Variants in XXYLT1 observed in about 807,000 individuals in gnomAD.
XXYLT1 encodes xyloside xylosyltransferase 1.
A neutral mutation model predicts 28.9 loss-of-function variants in XXYLT1; 20 were observed. The observed-to-expected ratio is 0.69, with a 90% CI of 0.49 to 1.00. XXYLT1 has a LOEUF of 1.00. Ranked by LOEUF, XXYLT1 falls within the 50% of genes least tolerant of loss-of-function variation. XXYLT1 has a pLI of 0.00. For synonymous variants in XXYLT1, 257 were observed against 253.8 expected, an observed-to-expected ratio of 1.01 and a Z score of -0.12; for missense variants, 542 against 560.1, an observed-to-expected ratio of 0.97 and a Z score of 0.33.
rs1486499126 is a variant in XXYLT1, at chr3:195,097,830, GCACA to G, written c.786-27723_786-27720del. Among the ~76,000 whole-genome samples the G allele has an allele frequency of 7.5e-5, 11 of 145,948 alleles. No individual in the cohort carries two copies. In the East Asian group the frequency reaches 2.5e-3, roughly 33 times the overall value. ...ACAAATGCCCCCACCCCCCCACCAC[GCACA>G]CACAAAGAAGTCAGGCTGGGCAGGA... On this transcript the variant is annotated intron_variant, in intron 3 of 3. Coordinates refer to ENST00000310380, the MANE Select transcript of XXYLT1 (RefSeq NM_152531.5).
At chr3:195,111,057 A>G (rs1396410900) in intron 3 of XXYLT1, among the ~76,000 whole-genome samples, 2 of 152,002 alleles carry the variant, frequency 1.3e-5, no homozygotes, top group Non-Finnish European at 2.9e-5. Context: ...TAGAAGTCTG[A>G]GATCATGGGT....
At chr3:195,207,298 C>A in intron 2 of XXYLT1, 1 of 357,618 alleles carries the variant, frequency 2.8e-6, no homozygotes, top group Non-Finnish European at 5.6e-6. Flanking sequence ...GGAGACTCAG[C>A]TACATCAGAG....
intron 1 of XXYLT1, among the ~76,000 whole-genome samples, chr3:195,246,729 T>C (rs1035199570): frequency 1.3e-5 from 2 of 152,212 alleles, no homozygotes; most frequent in Non-Finnish European, 2.9e-5. Context: ...TGTGTGTTCA[T>C]GACCAGCCAA....
chr3:195,198,351 T>C (rs1387436855), intron 2 of XXYLT1, among the ~76,000 whole-genome samples: 2 of 151,668 alleles, frequency 1.3e-5, no homozygotes, highest in African/African-American at 4.8e-5. Context: ...TCCCCCTGAG[T>C]TTCAAAAAAG....
At chr3:195,101,760 T>C (rs1395317608) in intron 3 of XXYLT1, among the ~76,000 whole-genome samples, 1 of 141,708 alleles carries the variant, frequency 7.1e-6, no homozygotes, top group African/African-American at 2.7e-5. Flanking sequence ...CAGGGCTTTA[T>C]GTCCAGCCTG....
chr3:195,268,873 T>C (rs1725928985), intron 1 of XXYLT1, among the ~76,000 whole-genome samples: 1 of 152,128 alleles, frequency 6.6e-6, no homozygotes, highest in East Asian at 1.9e-4. Context: ...TGGGCCAATA[T>C]TTCTGGTGCC....
chr3:195,243,294 G>C (rs1724863481), intron 1 of XXYLT1, among the ~76,000 whole-genome samples: 1 of 151,268 alleles, frequency 6.6e-6, no homozygotes. Context: ...CACCATCATG[G>C]CACATGTATA....
At chr3:195,083,518 G>C (rs553182131) in intron 3 of XXYLT1, among the ~76,000 whole-genome samples, 1 of 152,052 alleles carries the variant, frequency 6.6e-6, no homozygotes, top group Non-Finnish European at 1.5e-5. Context: ...CAGAAGTCAG[G>C]GTCATCCCTA....
Position 195,143,837 on chromosome 3 carries a change from GATATAGATATATATATAGATAT to G in XXYLT1, c.785+12590_785+12611del, listed in dbSNP as rs1462702831. Among the ~76,000 whole-genome samples the G allele has an allele frequency of 2.4e-4, 17 of 70,414 alleles. 1 individual carries two copies. The highest frequency in any genetic ancestry group is 7.0e-4 in the African/African-American group (13 of 18,680). 46.2% of individuals were successfully genotyped at this position (70,414 alleles called of 152,430 possible). Reference sequence around the variant, plus strand: ...ATAGATATAGATATATATAGATATAGATATAGATATATATATAGATATATATAGATATAGATATATATATATA... The same window carrying G: ...ATAGATATAGATATATATAGATATAGATATAGATATAGATATATATATATA... On this transcript the variant is annotated intron_variant, in intron 3 of 3. Coordinates refer to ENST00000310380, the MANE Select transcript of XXYLT1 (RefSeq NM_152531.5).
intron 2 of XXYLT1, among the ~76,000 whole-genome samples, chr3:195,181,307 G>A (rs531402736): frequency 2.6e-5 from 4 of 152,180 alleles, no homozygotes; most frequent in Non-Finnish European, 5.9e-5. Flanking sequence ...GCGGGGCTGC[G>A]GAGCATGTTT....
chr3:195,256,725 G>T lies in XXYLT1; in HGVS notation c.504+13830C>A, dbSNP rs1725492315. ...GAAACTGAGGCAAAGACATCAGAAGGCCTTGCTAACAGAAGCCAGGGTCAG... is the reference window on the plus strand; with the variant it reads ...GAAACTGAGGCAAAGACATCAGAAGTCCTTGCTAACAGAAGCCAGGGTCAG... On this transcript the variant is annotated intron_variant, in intron 1 of 3. Coordinates refer to ENST00000310380, the MANE Select transcript of XXYLT1 (RefSeq NM_152531.5). This position sits in a 1 kb window ranked among gnomAD's most constrained non-coding sequence, Gnocchi z 4.2. 6.6e-6 allele frequency among the ~76,000 whole-genome samples: 1 copy of T among 152,192 alleles called. No homozygotes were observed. The highest frequency in any genetic ancestry group is 1.5e-5 in the Non-Finnish European group (1 of 68,026).
chr3:195,270,769 AC>A lies in XXYLT1; in HGVS notation c.289del (p.Val97TrpfsTer6). 6.3e-7 allele frequency: 1 copy of A among 1,579,532 alleles called. No homozygotes were observed. The highest frequency in any genetic ancestry group is 8.6e-7 in the Non-Finnish European group (1 of 1,167,734). The stretch of plus-strand genomic sequence containing the variant: ...GAACATCATCAGCAGGTGGTAGTCC[AC>A]CGGCCCGGCACCGCCGCCCTCCAAG... ...KSLEGGGAGP[V>X]DYHLLMMFTK... On this transcript the variant is annotated frameshift_variant, in exon 1 of 4. Transcript: ENST00000310380. LOFTEE classifies it high-confidence loss of function.
chr3:195,143,397 CTTAAT>C (rs1719592723), intron 3 of XXYLT1, among the ~76,000 whole-genome samples: 2 of 152,138 alleles, frequency 1.3e-5, no homozygotes, highest in South Asian at 4.1e-4. Context: ...AGATTGTCTG[CTTAAT>C]TGTCGATATT....
chr3:195,156,091 C>T (rs1182561676), intron 3 of XXYLT1, among the ~76,000 whole-genome samples: 1 of 152,208 alleles, frequency 6.6e-6, no homozygotes. Flanking sequence ...TCACTGGTGA[C>T]TCACAGGCCA....
At position 195,069,483 on chromosome 3, in the gene XXYLT1, G is replaced by T; in HGVS notation, c.*232C>A. 1.8e-6 allele frequency: 1 copy of T among 563,186 alleles called. No homozygotes were observed. The highest frequency in any genetic ancestry group is 3.1e-6 in the Non-Finnish European group (1 of 325,460). 34.9% of individuals were successfully genotyped at this position (563,186 alleles called of 1,614,324 possible). On this transcript the variant is annotated 3_prime_UTR_variant, in exon 4 of 4. Coordinates refer to ENST00000310380, the MANE Select transcript of XXYLT1 (RefSeq NM_152531.5). ...AGCCCACTGGACATGCGTGTCCTTT[G>T]TGTCGCCTGCTCCCTGGAGGAATAA...
intron 3 of XXYLT1, among the ~76,000 whole-genome samples, chr3:195,126,723 C>T (rs769866709): frequency 7.2e-5 from 11 of 152,230 alleles, no homozygotes; most frequent in Non-Finnish European, 1.3e-4. Context: ...CCAACACTCC[C>T]CTCCCTAGAG....
intron 3 of XXYLT1, among the ~76,000 whole-genome samples, chr3:195,143,738 C>CAA (rs1719608416): frequency 6.9e-6 from 1 of 145,914 alleles, no homozygotes; most frequent in Non-Finnish European, 1.5e-5. Flanking sequence ...GTTACATTTA[C>CAA]TAGATGATCA....
At chr3:195,231,909 T>C (rs934266308) in intron 1 of XXYLT1, among the ~76,000 whole-genome samples, 2 of 152,158 alleles carry the variant, frequency 1.3e-5, no homozygotes, top group African/African-American at 4.8e-5. Context: ...CCTCATAAAA[T>C]GAGTTTGGAA....
At chr3:195,250,463 C>G (rs1380308088) in intron 1 of XXYLT1, among the ~76,000 whole-genome samples, 1 of 151,832 alleles carries the variant, frequency 6.6e-6, no homozygotes, top group East Asian at 1.9e-4. Context: ...ACTTGGGAGG[C>G]TGAGGCCAGA....
Sources: allele counts gnomAD v4.1 joint callset (sites outside exome capture counted in the v4.1 genomes callset), GRCh38; gene constraint gnomAD v4.1.1; non-coding constraint Gnocchi (gnomAD v3.1); transcripts MANE v1.5; gene names NCBI Gene and HGNC (gene_info 2026-07-23, HGNC 2026-07-21).